OSBPL3: variants seen among roughly 807,000 people sequenced by gnomAD.
OSBPL3 encodes the protein oxysterol binding protein like 3.
A neutral mutation model predicts 120.1 loss-of-function variants in OSBPL3; 65 were observed. The ratio of observed to expected loss-of-function variants is 0.54; its 90% CI spans 0.44 to 0.67. The LOEUF is 0.67. OSBPL3 is among the 30% of genes least tolerant of loss of function. The pLI is 0.00. For missense variants in OSBPL3, 1,004 were observed against 1,082.1 expected, an observed-to-expected ratio of 0.93 and a Z score of 1.01; for synonymous variants, 416 against 402.6, an observed-to-expected ratio of 1.03 and a Z score of -0.40.
At position 24,918,911 on chromosome 7, in the gene OSBPL3, C is replaced by G. The variant is rs1187305839; in HGVS notation, c.-149-26290G>C. Among the ~76,000 whole-genome samples the G allele has an allele frequency of 6.6e-6, 1 of 152,168 alleles. No homozygotes were observed. The highest frequency in any genetic ancestry group is 2.4e-5 in the African/African-American group (1 of 41,446). ...AAGGCAACAGACATAAATTTTGTAA[C>G]TAACATTTCCCAGGTACAATGCTAG... is the stretch of plus-strand genomic sequence containing the variant. On this transcript the variant is annotated intron_variant, in intron 1 of 22. Coordinates refer to ENST00000313367, the MANE Select transcript of OSBPL3 (RefSeq NM_015550.4). The surrounding 1 kb of genome is among the most constrained non-coding windows in gnomAD (Gnocchi z 4.3).
At chr7:24,961,385 T>G (rs1815720417) in intron 1 of OSBPL3, among the ~76,000 whole-genome samples, 1 of 152,180 alleles carries the variant, frequency 6.6e-6, no homozygotes, top group South Asian at 2.1e-4. Context: ...AAGCATCTGC[T>G]GAGGTCCTGC....
At chr7:24,969,708 T>C (rs1321526118) in intron 1 of OSBPL3, among the ~76,000 whole-genome samples, 1 of 152,182 alleles carries the variant, frequency 6.6e-6, no homozygotes, top group Non-Finnish European at 1.5e-5. Flanking sequence ...CCCTAGTTCC[T>C]AGGGGCTATC....
rs1211046635 is a variant in OSBPL3, at chr7:24,802,264, C to T, written c.2568-1985G>A. 1.3e-5 allele frequency among the ~76,000 whole-genome samples: 2 copies of T among 152,196 alleles called. No homozygotes were observed. The highest frequency in any genetic ancestry group is 2.9e-5 in the Non-Finnish European group (2 of 68,026). On this transcript the variant is annotated intron_variant, in intron 22 of 22. Transcript: ENST00000313367. The surrounding 1 kb of genome is among the most constrained non-coding windows in gnomAD (Gnocchi z 4.1). The stretch of plus-strand genomic sequence containing the variant: ...CTTAGAATTTTCAGTGATTTTGTTG[C>T]TGTTCCTCAGTAAGTGTTAATGACA...
rs143386888 is a variant in OSBPL3 at position 24,819,251 on chromosome 7, CAAAA to C, written c.1948+920_1948+923del. 9.2e-6 allele frequency among the ~76,000 whole-genome samples: 1 copy of C among 109,062 alleles called. No individual in the cohort carries two copies. 71.5% of individuals were successfully genotyped at this position (109,062 alleles called of 152,430 possible). A position where few individuals can be genotyped will look rare whatever the true frequency, so the allele number is the denominator to read the frequency against. Reference sequence around the variant, plus strand: ...CTAGCAACAGACTGAGACTCCATTTCAAAAAAAAAAAAAAAAAATCCAACTTTTG... The same window carrying C: ...CTAGCAACAGACTGAGACTCCATTTCAAAAAAAAAAAAAATCCAACTTTTG... On this transcript the variant is annotated intron_variant, in intron 17 of 22. Coordinates refer to ENST00000313367, the MANE Select transcript of OSBPL3 (RefSeq NM_015550.4). This position sits in a 1 kb window ranked among gnomAD's most constrained non-coding sequence, Gnocchi z 4.1.
At position 24,936,519 on chromosome 7, in the gene OSBPL3, ATTC is replaced by A. The variant is rs1812443246; in HGVS notation, c.-150+43364_-150+43366del. ...GAGTATATGGAGAAGTAAACAGCCA[ATTC>A]TGTCTAGGAGTGGGAAAGCAGAATG... On this transcript the variant is annotated intron_variant, in intron 1 of 22. Coordinates refer to ENST00000313367, the MANE Select transcript of OSBPL3 (RefSeq NM_015550.4). The surrounding 1 kb of genome is among the most constrained non-coding windows in gnomAD (Gnocchi z 4.2). 6.6e-6 allele frequency among the ~76,000 whole-genome samples: 1 copy of A among 152,222 alleles called. No individual in the cohort carries two copies. The highest frequency in any genetic ancestry group is 2.4e-5 in the African/African-American group (1 of 41,456).
chr7:24,809,936 T>C lies in OSBPL3; in HGVS notation c.2188A>G (p.Thr730Ala), dbSNP rs538335546. 1.2e-5 allele frequency: 19 copies of C among 1,614,180 alleles called. No individual in the cohort carries two copies. In the East Asian group the frequency reaches 3.1e-4, roughly 26 times the overall value. The change falls in exon 20 of 23, where the codon ACT becomes GCT. Residue 730 changes from threonine (T) to alanine (A), a missense_variant. Coordinates refer to ENST00000313367, the MANE Select transcript of OSBPL3 (RefSeq NM_015550.4). ...GTGCCTTCAATCTCATGGGCATTAGTGCTCCAGTATTTTGCCTAGGATTCA... is the reference window on the plus strand; with the variant it reads ...GTGCCTTCAATCTCATGGGCATTAGCGCTCCAGTATTTTGCCTAGGATTCA... ...VNFIKAKYWS[T>A]NAHEIEGTVF...
Position 24,980,036 on chromosome 7 carries a change from C to T in OSBPL3, c.-300G>A. 2 of 985,338 alleles carry T rather than the reference C, an allele frequency of 2.0e-6. No individual in the cohort carries two copies. Among genetic ancestry groups the T allele is most frequent in the Non-Finnish European group, 2.4e-6 (2 of 829,946 alleles). 61.0% of individuals were successfully genotyped at this position (985,338 alleles called of 1,614,324 possible). A position where few individuals can be genotyped will look rare whatever the true frequency, so the allele number is the denominator to read the frequency against. The stretch of plus-strand genomic sequence containing the variant: ...CCGCACCGGCCGCAGGAGTCGGGGG[C>T]GGGGATGGCCACTTGCAGACAGACT... On this transcript the variant is annotated 5_prime_UTR_variant, in exon 1 of 23. Coordinates refer to ENST00000313367, the MANE Select transcript of OSBPL3 (RefSeq NM_015550.4).
At position 24,904,918 on chromosome 7, in the gene OSBPL3, GGTGTGTGTGT is replaced by G. The variant is rs67222925; in HGVS notation, c.-149-12307_-149-12298del. Among the ~76,000 whole-genome samples the G allele has an allele frequency of 5.2e-3, 686 of 132,942 alleles. 2 individuals carry two copies. Among genetic ancestry groups the G allele is most frequent in the Middle Eastern group, 0.04 (11 of 272 alleles). 87.2% of individuals were successfully genotyped at this position (132,942 alleles called of 152,430 possible). ...TGAAGTGTTCTGATCATAATATACAGGTGTGTGTGTGTGTGTGTGTGTGTGTGTGTGTGTG... is the reference window on the plus strand; with the variant it reads ...TGAAGTGTTCTGATCATAATATACAGGTGTGTGTGTGTGTGTGTGTGTGTG... On this transcript the variant is annotated intron_variant, in intron 1 of 22. Coordinates refer to ENST00000313367, the MANE Select transcript of OSBPL3 (RefSeq NM_015550.4).
rs964670087 is a variant in OSBPL3 at position 24,938,652 on chromosome 7, T to C, written c.-150+41234A>G. On this transcript the variant is annotated intron_variant, in intron 1 of 22. Coordinates refer to ENST00000313367, the MANE Select transcript of OSBPL3 (RefSeq NM_015550.4). The surrounding 1 kb of genome is among the most constrained non-coding windows in gnomAD (Gnocchi z 5.8). Reference sequence around the variant, plus strand: ...CTCCCAGCTGAAGTTGTTTGTTTGTTTGTTTGTTTGTTTTTAGGCTTCCTG... The same window carrying C: ...CTCCCAGCTGAAGTTGTTTGTTTGTCTGTTTGTTTGTTTTTAGGCTTCCTG... Among the ~76,000 whole-genome samples the C allele has an allele frequency of 2.6e-5, 4 of 152,142 alleles. No individual in the cohort carries two copies. Among genetic ancestry groups the C allele is most frequent in the African/African-American group, 9.7e-5 (4 of 41,430 alleles).
intron 1 of OSBPL3, among the ~76,000 whole-genome samples, chr7:24,944,943 T>C (rs1385316297): frequency 1.3e-5 from 2 of 152,192 alleles, no homozygotes; most frequent in Non-Finnish European, 2.9e-5. Context: ...TGATTTTCTT[T>C]TCCTGATAGA....
Position 24,964,254 on chromosome 7 carries a change from A to G in OSBPL3, c.-150+15632T>C, listed in dbSNP as rs901165546. 6.6e-6 allele frequency among the ~76,000 whole-genome samples: 1 copy of G among 152,214 alleles called. No homozygotes were observed. The highest frequency in any genetic ancestry group is 1.5e-5 in the Non-Finnish European group (1 of 68,044). ...AAGTATGAGCTGTGCATAATAACTT[A>G]CTTCCAAAGAGTATAGTATGGAAAG... On this transcript the variant is annotated intron_variant, in intron 1 of 22. Coordinates refer to ENST00000313367, the MANE Select transcript of OSBPL3 (RefSeq NM_015550.4). This position sits in a 1 kb window ranked among gnomAD's most constrained non-coding sequence, Gnocchi z 4.2.
chr7:24,840,736 G>T lies in OSBPL3; in HGVS notation c.1449C>A (p.Ser483=). The T allele has an allele frequency of 6.8e-7, 1 of 1,468,824 alleles. No individual in the cohort carries two copies. Among genetic ancestry groups the T allele is most frequent in the Non-Finnish European group, 9.3e-7 (1 of 1,069,738 alleles). The allele number at this position is 1,468,824 out of a possible 1,614,324, so 91.0% of individuals were successfully genotyped here. Residue 483 remains serine, a synonymous_variant, in exon 14 of 23, where the codon TCC becomes TCA. Transcript: ENST00000313367. The part of the protein sequence containing the change: ...SYVSDISDNL[S]LDNLSNDLDN... ...CTAAATCATTACTGAGATTATCTAA[G>T]GAAAGATTATCACTTATGTCACTGA... is the stretch of plus-strand genomic sequence containing the variant.
chr7:24,897,768 G>C (rs112170185), intron 1 of OSBPL3, among the ~76,000 whole-genome samples: 117 of 152,304 alleles, frequency 7.7e-4, no homozygotes, highest in African/African-American at 2.7e-3. Context: ...AAAGATAAAA[G>C]CCACAGAATT....
chr7:24,882,916 T>TAA (rs1358735126), intron 2 of OSBPL3, among the ~76,000 whole-genome samples: 33 of 152,308 alleles, frequency 2.2e-4, no homozygotes, highest in African/African-American at 7.9e-4. Context: ...TTTAATGAGA[T>TAA]TATTTGTTTT....
chr7:24,901,964 T>C (rs1158539936), intron 1 of OSBPL3, among the ~76,000 whole-genome samples: 2 of 152,220 alleles, frequency 1.3e-5, no homozygotes, highest in African/African-American at 4.8e-5. Context: ...GGAAATTTTG[T>C]AGAGCAGTAA....
rs1320885873 is a variant in OSBPL3 at position 24,861,736 on chromosome 7, G to A, written c.904C>T (p.His302Tyr). 6.2e-7 allele frequency: 1 copy of A among 1,607,688 alleles called. No individual in the cohort carries two copies. The highest frequency in any genetic ancestry group is 1.3e-5 in the African/African-American group (1 of 74,626). ...GTTGACAAATTAGGATTGGAGGAGT[G>A]TAGTCTTACTGGGCCAGAAAAAGGT... ...PKPFSGPVRL[H>Y]SSNPNLSTLD... The change falls in exon 10 of 23, where the codon CAC becomes TAC. Residue 302 changes from histidine to tyrosine, a missense_variant. Around this residue, in one of 4 missense-constraint regions of OSBPL3, gnomAD observed 272 missense variants for 248.8 expected, o/e 1.09. Coordinates refer to ENST00000313367, the MANE Select transcript of OSBPL3 (RefSeq NM_015550.4).
Position 24,833,863 on chromosome 7 carries a change from A to T in OSBPL3, c.1746+623T>A, listed in dbSNP as rs1018765566. 6.6e-6 allele frequency among the ~76,000 whole-genome samples: 1 copy of T among 152,202 alleles called. No individual in the cohort carries two copies. Among genetic ancestry groups the T allele is most frequent in the Non-Finnish European group, 1.5e-5 (1 of 68,040 alleles). On this transcript the variant is annotated intron_variant, in intron 15 of 22. Transcript: ENST00000313367. The surrounding 1 kb of genome is among the most constrained non-coding windows in gnomAD (Gnocchi z 4.4). ...TGGGGGAAAGATGAGAAATACTTGG[A>T]AGCCCTTTTAAAAGCCAGCATGCTG...
chr7:24,890,014 C>T (rs1371024466), intron 2 of OSBPL3, among the ~76,000 whole-genome samples: 2 of 152,102 alleles, frequency 1.3e-5, no homozygotes. Context: ...CAGCAAATCC[C>T]TAGATGGGTC....
chr7:24,886,962 T>C (rs747852999), intron 2 of OSBPL3, among the ~76,000 whole-genome samples: 1 of 152,214 alleles, frequency 6.6e-6, no homozygotes, highest in Non-Finnish European at 1.5e-5. Context: ...GGCATTTTAT[T>C]TGACCTATCA....
Sources: allele counts gnomAD v4.1 joint callset (sites outside exome capture counted in the v4.1 genomes callset), GRCh38; gene constraint gnomAD v4.1.1; regional missense constraint gnomAD v4.1.1; non-coding constraint Gnocchi (gnomAD v3.1); transcripts MANE v1.5; gene names NCBI Gene and HGNC (gene_info 2026-07-23, HGNC 2026-07-21).